The following FBXO8 variants were observed in gnomAD, a reference collection of about 807,000 sequenced individuals.
FBXO8 encodes F-box protein 8.
A neutral mutation model predicts 33.4 loss-of-function variants in FBXO8; 15 were observed. The observed-to-expected ratio is 0.45, with a 90% CI of 0.30 to 0.69. The LOEUF (loss-of-function observed/expected upper bound fraction) is 0.69. FBXO8 is among the 30% of genes least tolerant of loss of function. The probability of loss-of-function intolerance (pLI) is 0.08; values close to 1 mark genes in which losing one functional copy is unlikely to be tolerated. For missense variants in FBXO8, 274 were observed against 380.3 expected, an observed-to-expected ratio of 0.72 and a Z score of 2.32; for synonymous variants, 132 against 131.5, an observed-to-expected ratio of 1.00 and a Z score of -0.02.
At chr4:174,240,219 G>C (rs1392382833) in intron 4 of FBXO8, among the ~76,000 whole-genome samples, 1 of 150,356 alleles carries the variant, frequency 6.7e-6, no homozygotes, top group East Asian at 1.9e-4. Flanking sequence ...GGCACTTAAA[G>C]ACAAAAAAAC....
rs1293338239 is a variant in FBXO8 at position 174,281,451 on chromosome 4, C to T, written c.-9+1959G>A. On this transcript the variant is annotated intron_variant, in intron 1 of 5. Transcript: ENST00000393674. The surrounding 1 kb of genome is among the most constrained non-coding windows in gnomAD (Gnocchi z 4.6). ...GTGGCTCACACCTATGATTCCTGAACCTTGGGAGGCTGTGGAAGGAGGATC... is the reference window on the plus strand; with the variant it reads ...GTGGCTCACACCTATGATTCCTGAATCTTGGGAGGCTGTGGAAGGAGGATC... 3.9e-5 allele frequency among the ~76,000 whole-genome samples: 6 copies of T among 152,116 alleles called. No homozygotes were observed. The highest frequency in any genetic ancestry group is 1.4e-4 in the African/African-American group (6 of 41,392).
In FBXO8 at chr4:174,270,305, T is replaced by G. The variant is rs767661542; in HGVS notation, c.-8-7205A>C. Among the ~76,000 whole-genome samples the G allele has an allele frequency of 6.6e-6, 1 of 152,212 alleles. No individual in the cohort carries two copies. The highest frequency in any genetic ancestry group is 1.5e-5 in the Non-Finnish European group (1 of 68,032). ...CTGTGGCACAGTAGCTGGGAAGACG[T>G]AAATGGAAAGTAACATGATTTTAGG... On this transcript the variant is annotated intron_variant, in intron 1 of 5. Coordinates refer to ENST00000393674, the MANE Select transcript of FBXO8 (RefSeq NM_012180.3). The surrounding 1 kb of genome is among the most constrained non-coding windows in gnomAD (Gnocchi z 4.6).
intron 3 of FBXO8, among the ~76,000 whole-genome samples, chr4:174,248,433 C>T (rs1489072526): frequency 6.6e-6 from 1 of 151,964 alleles, no homozygotes; most frequent in Non-Finnish European, 1.5e-5. Flanking sequence ...CTCTGTGTTA[C>T]ACAGAACTAA....
intron 1 of FBXO8, among the ~76,000 whole-genome samples, chr4:174,282,818 ATGAC>A (rs773342349): frequency 6.6e-6 from 1 of 152,218 alleles, no homozygotes; most frequent in Non-Finnish European, 1.5e-5. Flanking sequence ...AAAAAATTAA[ATGAC>A]TGAGGATTGG....
intron 1 of FBXO8, among the ~76,000 whole-genome samples, chr4:174,264,795 T>TAA (rs70947422): frequency 5.6e-5 from 8 of 142,514 alleles, no homozygotes; most frequent in South Asian, 2.2e-4. Context: ...ATAAAATTCT[T>TAA]AAAAAAAAAA....
In FBXO8 at chr4:174,263,572, G is replaced by T. The variant is rs1379023990; in HGVS notation, c.-8-472C>A. On this transcript the variant is annotated intron_variant, in intron 1 of 5. Transcript: ENST00000393674. The surrounding 1 kb of genome is among the most constrained non-coding windows in gnomAD (Gnocchi z 4.2). ...CCAAACTCCCAGATGCGTAACAGCT[G>T]GGAAACAGGCTTTTAGTTTAATTCT... 6.6e-6 allele frequency among the ~76,000 whole-genome samples: 1 copy of T among 152,040 alleles called. No individual in the cohort carries two copies. The highest frequency in any genetic ancestry group is 1.5e-5 in the Non-Finnish European group (1 of 68,022).
intron 3 of FBXO8, among the ~76,000 whole-genome samples, chr4:174,249,774 G>T (rs1736243730): frequency 6.6e-6 from 1 of 151,868 alleles, no homozygotes. Context: ...TTGCTTAAAT[G>T]TCAAAAAGAT....
At chr4:174,250,237 T>C (rs1047274408) in intron 3 of FBXO8, among the ~76,000 whole-genome samples, 1 of 151,754 alleles carries the variant, frequency 6.6e-6, no homozygotes, top group Non-Finnish European at 1.5e-5. Flanking sequence ...GTGGTAGAGA[T>C]ACTTAATAAA....
At chr4:174,266,560 T>C (rs1192575502) in intron 1 of FBXO8, among the ~76,000 whole-genome samples, 2 of 152,174 alleles carry the variant, frequency 1.3e-5, no homozygotes, top group Non-Finnish European at 2.9e-5. Context: ...AACATGGGTG[T>C]AACTGTCAGA....
At chr4:174,238,063 G>C (rs1735929510) in intron 5 of FBXO8, among the ~76,000 whole-genome samples, 1 of 151,788 alleles carries the variant, frequency 6.6e-6, no homozygotes, top group Non-Finnish European at 1.5e-5. Flanking sequence ...TTTAATTTGA[G>C]AGCATCTTTA....
At position 174,259,480 on chromosome 4, in the gene FBXO8, C is replaced by T. The variant is rs1028078178; in HGVS notation, c.456+219G>A. Reference sequence around the variant, plus strand: ...GACTGAATATATATCATGGATGCTGCTACATAAAGTGAACAGGTAGAAAGG... The same window carrying T: ...GACTGAATATATATCATGGATGCTGTTACATAAAGTGAACAGGTAGAAAGG... On this transcript the variant is annotated intron_variant, in intron 3 of 5. Transcript: ENST00000393674. The surrounding 1 kb of genome is among the most constrained non-coding windows in gnomAD (Gnocchi z 4.3). Among the ~76,000 whole-genome samples the T allele has an allele frequency of 3.9e-5, 6 of 151,958 alleles. No individual in the cohort carries two copies. Among genetic ancestry groups the T allele is most frequent in the Non-Finnish European group, 5.9e-5 (4 of 67,926 alleles).
Position 174,237,396 on chromosome 4 carries a change from C to T in FBXO8, c.*16G>A. 2 of 1,603,198 alleles carry T rather than the reference C, an allele frequency of 1.2e-6. No homozygotes were observed. Among genetic ancestry groups the T allele is most frequent in the Non-Finnish European group, 1.7e-6 (2 of 1,173,134 alleles). On this transcript the variant is annotated 3_prime_UTR_variant, in exon 6 of 6. Coordinates refer to ENST00000393674, the MANE Select transcript of FBXO8 (RefSeq NM_012180.3). This position sits in a 1 kb window ranked among gnomAD's most constrained non-coding sequence, Gnocchi z 4.4. ...TTAGTCTGAAGTAAAAACTGAAGTC[C>T]TAGCAATTGTGCTTTTTATGCAGCC...
chr4:174,239,682 T>C (rs1368712734), intron 4 of FBXO8, among the ~76,000 whole-genome samples: 8 of 151,912 alleles, frequency 5.3e-5, no homozygotes, highest in Non-Finnish European at 1.2e-4. Flanking sequence ...TCACATAGTA[T>C]ATTGTGGACA....
rs746711880 is a variant in FBXO8, at chr4:174,254,409, A to G, written c.456+5290T>C. On this transcript the variant is annotated intron_variant, in intron 3 of 5. Transcript: ENST00000393674. The surrounding 1 kb of genome is among the most constrained non-coding windows in gnomAD (Gnocchi z 4.2). ...AGGATAAAACCTCAAAAGGTAGTAT[A>G]TTTTCTAAAGTAAAAAGTATCTTAG... Among the ~76,000 whole-genome samples, 19 of 152,278 alleles carry G rather than the reference A, an allele frequency of 1.2e-4. No homozygotes were observed. Among genetic ancestry groups the G allele is most frequent in the South Asian group, 4.1e-4 (2 of 4,820 alleles).
At chr4:174,246,424 A>C (rs1736158715) in intron 3 of FBXO8, among the ~76,000 whole-genome samples, 1 of 151,974 alleles carries the variant, frequency 6.6e-6, no homozygotes, top group Non-Finnish European at 1.5e-5. Flanking sequence ...GGGAGGAAAG[A>C]AGTGACTTTC....
chr4:174,280,827 A>T (rs951647849), intron 1 of FBXO8, among the ~76,000 whole-genome samples: 3 of 152,208 alleles, frequency 2.0e-5, no homozygotes, highest in Non-Finnish European at 2.9e-5. Context: ...TCCGGTTTCC[A>T]AAACTGGAAA....
intron 1 of FBXO8, among the ~76,000 whole-genome samples, chr4:174,266,088 T>C (rs75374953): frequency 0.064 from 9,684 of 152,218 alleles, 426 homozygotes; most frequent in South Asian, 0.21. Context: ...TAAGCAGCTG[T>C]TGCTACTCTT....
chr4:174,274,708 T>C lies in FBXO8; in HGVS notation c.-9+8702A>G, dbSNP rs575423757. On this transcript the variant is annotated intron_variant, in intron 1 of 5. Coordinates refer to ENST00000393674, the MANE Select transcript of FBXO8 (RefSeq NM_012180.3). The surrounding 1 kb of genome is among the most constrained non-coding windows in gnomAD (Gnocchi z 4.0). ...GGCATATAAAGTGCTCAGAAAATAT[T>C]TGTTGAATGAATAAACGATTAGTAA... 6.6e-6 allele frequency among the ~76,000 whole-genome samples: 1 copy of C among 152,352 alleles called. No homozygotes were observed. The highest frequency in any genetic ancestry group is 2.4e-5 in the African/African-American group (1 of 41,574).
chr4:174,239,219 G>T, intron 4 of FBXO8, 29 bp from the exon 5 acceptor site: 1 of 1,428,184 alleles, frequency 7.0e-7, no homozygotes, highest in Non-Finnish European at 9.3e-7. Context: ...GCACAGCTTT[G>T]GTTAACTTTT....
Sources: gnomAD v4.1 joint callset for allele counts (sites outside exome capture counted in the v4.1 genomes callset) on GRCh38, gnomAD v4.1.1 for gene constraint, Gnocchi (gnomAD v3.1) non-coding constraint, MANE v1.5 for transcripts, NCBI Gene and HGNC (gene_info 2026-07-23, HGNC 2026-07-21) for gene names.